The following NUP153 variants were observed in gnomAD, a reference collection of about 807,000 sequenced individuals.
The protein encoded by NUP153 is nucleoporin 153, also known as nuclear pore complex protein Nup153.
NUP153 carries 27 observed loss-of-function variants against 134.6 expected under a neutral mutation model. The ratio of observed to expected loss-of-function variants is 0.20; its 90% CI spans 0.15 to 0.28. NUP153 has a LOEUF of 0.28. Among genes scored for constraint, NUP153 ranks in the 10% least tolerant of loss-of-function variants. The pLI, the probability that NUP153 is intolerant of heterozygous loss-of-function variation, is 1.00. For synonymous variants in NUP153, 640 were observed against 623.5 expected, an observed-to-expected ratio of 1.03 and a Z score of -0.40; for missense variants, 1,821 against 1,731.3, an observed-to-expected ratio of 1.05 and a Z score of -0.92.
chr6:17,675,851 A>C lies in NUP153; in HGVS notation c.335-81T>G. The C allele has an allele frequency of 7.7e-7, 1 of 1,304,330 alleles. No individual in the cohort carries two copies. Among genetic ancestry groups the C allele is most frequent in the Non-Finnish European group, 1.1e-6 (1 of 903,774 alleles). The allele number at this position is 1,304,330 out of a possible 1,614,324, so 80.8% of individuals were successfully genotyped here. Reference sequence around the variant, plus strand: ...CAAATGGTTTTTACTTTAAGAAAACACATTACAGTATATAATAGCTTCAAT... The same window carrying C: ...CAAATGGTTTTTACTTTAAGAAAACCCATTACAGTATATAATAGCTTCAAT... On this transcript the variant is annotated intron_variant, in intron 2 of 21. Coordinates refer to ENST00000262077, the MANE Select transcript of NUP153 (RefSeq NM_005124.4). This position sits in a 1 kb window ranked among gnomAD's most constrained non-coding sequence, Gnocchi z 4.4.
intron 20 of NUP153, among the ~76,000 whole-genome samples, chr6:17,618,254 A>C: frequency 6.6e-6 from 1 of 152,212 alleles, no homozygotes; most frequent in Non-Finnish European, 1.5e-5. Context: ...TCAATGTAGA[A>C]AGGATTTAAG....
chr6:17,705,585 T>TGGGGGGGGG, intron 1 of NUP153, among the ~76,000 whole-genome samples: 1 of 40,156 alleles, frequency 2.5e-5, no homozygotes, highest in East Asian at 5.5e-4. Context: ...GTGGCGGTGT[T>TGGGGGGGGG]GGGGGGGGGG....
In NUP153 at chr6:17,648,119, T is replaced by C. The variant is rs552927918; in HGVS notation, c.1534-214A>G. On this transcript the variant is annotated intron_variant, in intron 12 of 21. Coordinates refer to ENST00000262077, the MANE Select transcript of NUP153 (RefSeq NM_005124.4). ...TACACACAATCTTAGAGGTGGATATTTGTATAAAAAAGTAAAGTAACATCT... is the reference window on the plus strand; with the variant it reads ...TACACACAATCTTAGAGGTGGATATCTGTATAAAAAAGTAAAGTAACATCT... 1.4e-4 allele frequency among the ~76,000 whole-genome samples: 21 copies of C among 152,278 alleles called. 1 individual carries two copies. The highest frequency in any genetic ancestry group is 9.7e-4 in the East Asian group (5 of 5,180).
At chr6:17,629,796 T>C (rs1455931753) in intron 17 of NUP153, among the ~76,000 whole-genome samples, 1 of 152,228 alleles carries the variant, frequency 6.6e-6, no homozygotes, top group Non-Finnish European at 1.5e-5. Context: ...TTGATAAAGT[T>C]TGTACTAGTG....
At chr6:17,651,110 G>A (rs1766472733) in intron 11 of NUP153, among the ~76,000 whole-genome samples, 1 of 152,038 alleles carries the variant, frequency 6.6e-6, no homozygotes, top group South Asian at 2.1e-4. Context: ...ACCAGTCTGG[G>A]CAACACAGCA....
intron 1 of NUP153, among the ~76,000 whole-genome samples, chr6:17,692,468 T>C (rs980880261): frequency 6.6e-6 from 1 of 152,118 alleles, no homozygotes; most frequent in Non-Finnish European, 1.5e-5. Flanking sequence ...CAGCTATGAT[T>C]GTACCACTGC....
intron 1 of NUP153, among the ~76,000 whole-genome samples, chr6:17,695,308 G>C (rs1312344664): frequency 6.6e-6 from 1 of 152,094 alleles, no homozygotes; most frequent in Non-Finnish European, 1.5e-5. Context: ...CATTAGAAAG[G>C]CAAATTTATT....
chr6:17,704,612 G>C (rs949181980), intron 1 of NUP153, among the ~76,000 whole-genome samples: 1 of 151,946 alleles, frequency 6.6e-6, no homozygotes, highest in Non-Finnish European at 1.5e-5. Context: ...AAACTGGTGG[G>C]AGTAGTAACA....
intron 14 of NUP153, among the ~76,000 whole-genome samples, chr6:17,641,489 C>A (rs1413643724): frequency 6.6e-6 from 1 of 151,680 alleles, no homozygotes. Flanking sequence ...GAGCCAAGAT[C>A]GTGCCACTGT....
intron 5 of NUP153, among the ~76,000 whole-genome samples, chr6:17,672,348 C>G (rs1488177674): frequency 6.6e-6 from 1 of 152,144 alleles, no homozygotes; most frequent in Non-Finnish European, 1.5e-5. Context: ...GAAGCCAACA[C>G]AGGAGGATCG....
At position 17,637,307 on chromosome 6, in the gene NUP153, C is replaced by A; in HGVS notation, c.2310G>T (p.Met770Ile). The A allele has an allele frequency of 6.2e-7, 1 of 1,614,202 alleles. No individual in the cohort carries two copies. Among genetic ancestry groups the A allele is most frequent in the African/African-American group, 1.3e-5 (1 of 75,056 alleles). Residue 770 changes from methionine to isoleucine, a missense_variant, in exon 16 of 22, where the codon ATG (methionine) becomes ATT (isoleucine). Transcript: ENST00000262077. ...CAGTGCAGCTGGAAGATGAAGCAGTCATAGTCTCAGCACTTTCCGAAACCA... is the reference window on the plus strand; with the variant it reads ...CAGTGCAGCTGGAAGATGAAGCAGTAATAGTCTCAGCACTTTCCGAAACCA... ...LTVVSESAET[M>I]TASSSSCTVT... is the part of the protein sequence containing the mutation.
At chr6:17,631,188 C>T (rs1264487540) in intron 17 of NUP153, among the ~76,000 whole-genome samples, 1 of 152,152 alleles carries the variant, frequency 6.6e-6, no homozygotes, top group Admixed American at 6.5e-5. Flanking sequence ...TACCAGGGAA[C>T]CTTACACCTA....
intron 20 of NUP153, among the ~76,000 whole-genome samples, chr6:17,623,144 A>G (rs1238562036): frequency 6.6e-6 from 1 of 151,760 alleles, no homozygotes; most frequent in East Asian, 1.9e-4. Flanking sequence ...AAAAAAAAAA[A>G]AGACGATGAC....
chr6:17,630,397 C>A (rs1395895033), intron 17 of NUP153, among the ~76,000 whole-genome samples: 2 of 152,174 alleles, frequency 1.3e-5, no homozygotes, highest in Non-Finnish European at 2.9e-5. Context: ...TGGTAGCTCA[C>A]GCTTGGAATC....
chr6:17,661,857 T>TAA, intron 10 of NUP153, 78 bp from the exon 11 acceptor site: 3 of 1,233,620 alleles, frequency 2.4e-6, no homozygotes, highest in African/African-American at 1.6e-5. Context: ...TGCTAACAAG[T>TAA]AAAAAAAAAA....
In NUP153 at chr6:17,639,941, G is replaced by T; in HGVS notation, c.1844C>A (p.Pro615His). Residue 615 changes from proline to histidine, a missense_variant and splice_region_variant, in exon 15 of 22, where the codon CCT (proline) becomes CAT (histidine). Coordinates refer to ENST00000262077, the MANE Select transcript of NUP153 (RefSeq NM_005124.4). ...EGSVLDILKS[P>H]GFASPKIDSV... is the part of the protein sequence containing the mutation. ...GGCTTATCTTTTAATTATCTTACCA[G>T]GGCTTTTCAGAATATCTAGAACACT... The T allele has an allele frequency of 5.6e-6, 9 of 1,601,510 alleles. No homozygotes were observed. The highest frequency in any genetic ancestry group is 7.7e-6 in the Non-Finnish European group (9 of 1,176,412).
Position 17,662,051 on chromosome 6 carries a change from A to G in NUP153, c.1235T>C (p.Met412Thr). ...TTGTTCTCTATTTTGTCCGGGTGTC[A>G]TATTTTTTTCATATCCAGTCTGCAG... ...NKCSTGYEKNMTPGQNREQRE... is the reference protein window; with the variant it reads ...NKCSTGYEKNTTPGQNREQRE... The change falls in exon 10 of 22, where the codon ATG becomes ACG. Residue 412 changes from methionine (M) to threonine (T), a missense_variant. Physicochemically the swap from Met to Thr is moderately conservative, Grantham distance 81. Coordinates refer to ENST00000262077, the MANE Select transcript of NUP153 (RefSeq NM_005124.4). 6.2e-7 allele frequency: 1 copy of G among 1,612,658 alleles called. No individual in the cohort carries two copies. The highest frequency in any genetic ancestry group is 8.5e-7 in the Non-Finnish European group (1 of 1,179,240).
Position 17,680,645 on chromosome 6 carries a change from G to T in NUP153, c.335-4875C>A, listed in dbSNP as rs568817214. Among the ~76,000 whole-genome samples the T allele has an allele frequency of 2.0e-5, 3 of 152,242 alleles. No individual in the cohort carries two copies. The highest frequency in any genetic ancestry group is 7.2e-5 in the African/African-American group (3 of 41,540). Reference sequence around the variant, plus strand: ...TGCATCAAAGAATGTAATCAACAGAGTAAAAGGTCAACCTACAGGATGGGA... The same window carrying T: ...TGCATCAAAGAATGTAATCAACAGATTAAAAGGTCAACCTACAGGATGGGA... On this transcript the variant is annotated intron_variant, in intron 2 of 21. Transcript: ENST00000262077. This position sits in a 1 kb window ranked among gnomAD's most constrained non-coding sequence, Gnocchi z 4.5.
intron 1 of NUP153, among the ~76,000 whole-genome samples, chr6:17,701,162 T>A (rs1029737720): frequency 6.6e-6 from 1 of 150,490 alleles, no homozygotes; most frequent in Non-Finnish European, 1.5e-5. Flanking sequence ...GAGGTGGAGG[T>A]TGCAGTGAGC....
Sources: allele counts gnomAD v4.1 joint callset (sites outside exome capture counted in the v4.1 genomes callset), GRCh38; gene constraint gnomAD v4.1.1; non-coding constraint Gnocchi (gnomAD v3.1); transcripts MANE v1.5; gene names NCBI Gene and HGNC (gene_info 2026-07-23, HGNC 2026-07-21).